SORCS1: variants seen among roughly 807,000 people sequenced by gnomAD.
SORCS1 encodes VPS10 domain-containing receptor SorCS1.
In SORCS1, 60 loss-of-function variants were observed where a neutral mutation model predicts 146.1. The observed-to-expected ratio is 0.41, with a 90% CI of 0.33 to 0.51. The LOEUF is 0.51. Ranked by LOEUF, SORCS1 falls within the 20% of genes least tolerant of loss-of-function variation. SORCS1 has a pLI of 0.21. For synonymous variants in SORCS1, 637 were observed against 584.0 expected (o/e 1.09, Z -1.31); for missense variants, 1,352 against 1,487.6 (o/e 0.91, Z 1.50).
At chr10:107,163,947 C>A in intron 1 of SORCS1, 22 bp downstream of exon 1, 1 of 1,600,860 alleles carries the variant, frequency 6.2e-7, no homozygotes, top group South Asian at 1.1e-5. Flanking sequence ...CACCCCTTTA[C>A]CCTCAGTCCC....
chr10:106,954,615 A>G (rs1954847322), intron 2 of SORCS1, among the ~76,000 whole-genome samples: 1 of 152,110 alleles, frequency 6.6e-6, no homozygotes, highest in Non-Finnish European at 1.5e-5. Context: ...TACTATCACA[A>G]TAATTTTTCA....
intron 22 of SORCS1, among the ~76,000 whole-genome samples, chr10:106,610,782 T>A (rs1418694410): frequency 6.6e-6 from 1 of 152,178 alleles, no homozygotes; most frequent in African/African-American, 2.4e-5. Context: ...TGCTCACTCA[T>A]GAAAGTAGAA....
At chr10:106,710,431 G>GA (rs1854889824) in intron 6 of SORCS1, among the ~76,000 whole-genome samples, 1 of 25,080 alleles carries the variant, frequency 4.0e-5, no homozygotes. Flanking sequence ...CTGGGTGACA[G>GA]GAAAAAAAAA....
intron 1 of SORCS1, among the ~76,000 whole-genome samples, chr10:106,985,649 G>A (rs2139402382): frequency 6.6e-6 from 1 of 150,550 alleles, no homozygotes; most frequent in African/African-American, 2.4e-5. Context: ...CGATTCTCCT[G>A]CCTCAGCTTC....
chr10:106,838,611 C>T (rs1948890539), intron 2 of SORCS1, among the ~76,000 whole-genome samples: 1 of 152,176 alleles, frequency 6.6e-6, no homozygotes, highest in Non-Finnish European at 1.5e-5. Flanking sequence ...TCCCCTAACC[C>T]ATACTAACCA....
chr10:106,594,536 G>A (rs772615931), intron 24 of SORCS1, among the ~76,000 whole-genome samples: 1 of 152,134 alleles, frequency 6.6e-6, no homozygotes, highest in Non-Finnish European at 1.5e-5. Flanking sequence ...GACACAGATG[G>A]AGGAGAAGTA....
At chr10:106,639,371 A>T (rs958380853) in intron 18 of SORCS1, among the ~76,000 whole-genome samples, 2 of 152,194 alleles carry the variant, frequency 1.3e-5, no homozygotes, top group Admixed American at 1.3e-4. Flanking sequence ...GCCGAACTGG[A>T]ACTGTCAGTA....
chr10:106,880,951 G>A (rs1950781146), intron 2 of SORCS1, among the ~76,000 whole-genome samples: 1 of 151,890 alleles, frequency 6.6e-6, no homozygotes, highest in South Asian at 2.1e-4. Flanking sequence ...TTAGCTGGGT[G>A]TGGTGGCAGG....
Position 106,660,982 on chromosome 10 carries a change from C to T in SORCS1, c.2303+6707G>A, listed in dbSNP as rs570816993. On this transcript the variant is annotated intron_variant, in intron 17 of 25. Coordinates refer to ENST00000263054, the MANE Select transcript of SORCS1 (RefSeq NM_052918.5). ...CTTGGTTTCTTAGAATAAACCAACC[C>T]ACTGCCCACTTTATTTTATATTTAC... Among the ~76,000 whole-genome samples the T allele has an allele frequency of 1.1e-4, 17 of 152,292 alleles. 1 individual carries two copies. The South Asian group carries it at 3.5e-3, about 32-fold the overall frequency.
chr10:107,133,363 T>A (rs375715629), intron 1 of SORCS1, among the ~76,000 whole-genome samples: 1 of 152,030 alleles, frequency 6.6e-6, no homozygotes, highest in East Asian at 1.9e-4. Flanking sequence ...TCAAGACAAC[T>A]GCATTCCTTC....
At chr10:106,813,833 T>C (rs890866517) in intron 3 of SORCS1, among the ~76,000 whole-genome samples, 2 of 152,214 alleles carry the variant, frequency 1.3e-5, no homozygotes, top group Admixed American at 6.5e-5. Flanking sequence ...GTGCCTGTCA[T>C]CCCTACTTAC....
intron 1 of SORCS1, among the ~76,000 whole-genome samples, chr10:106,966,920 T>G (rs900775700): frequency 6.6e-6 from 1 of 152,108 alleles, no homozygotes; most frequent in Non-Finnish European, 1.5e-5. Context: ...AAATAAAAAA[T>G]AAGCTTATAA....
intron 9 of SORCS1, among the ~76,000 whole-genome samples, chr10:106,690,577 G>T (rs1279638171): frequency 6.6e-6 from 1 of 152,192 alleles, no homozygotes; most frequent in Non-Finnish European, 1.5e-5. Context: ...TGAGCAAAGA[G>T]CTGTGCTTTG....
intron 6 of SORCS1, among the ~76,000 whole-genome samples, chr10:106,719,708 G>A (rs1347397693): frequency 1.3e-5 from 2 of 152,136 alleles, no homozygotes; most frequent in African/African-American, 2.4e-5. Flanking sequence ...ACTGCGCCCG[G>A]CCTCAATGAA....
chr10:106,801,680 C>T (rs1946895219), intron 3 of SORCS1, among the ~76,000 whole-genome samples: 4 of 152,130 alleles, frequency 2.6e-5, no homozygotes, highest in South Asian at 2.1e-4. Flanking sequence ...CAGGCGCCCG[C>T]CACCACGCCC....
rs192690225 is a variant in SORCS1 at position 106,794,534 on chromosome 10, G to A, written c.727-17842C>T. Among the ~76,000 whole-genome samples, 28 of 130,996 alleles carry A rather than the reference G, an allele frequency of 2.1e-4. No homozygotes were observed. In the East Asian group the frequency reaches 5.0e-3, roughly 23 times the overall value. 85.9% of individuals were successfully genotyped at this position (130,996 alleles called of 152,430 possible). A position where few individuals can be genotyped will look rare whatever the true frequency, so the allele number is the denominator to read the frequency against. ...TTTTTTTTTTTTGAGACAGAGTCTCGCACTGTCGCCCAGGCTGGAGTGCAG... is the reference window on the plus strand; with the variant it reads ...TTTTTTTTTTTTGAGACAGAGTCTCACACTGTCGCCCAGGCTGGAGTGCAG... On this transcript the variant is annotated intron_variant, in intron 3 of 25. Coordinates refer to ENST00000263054, the MANE Select transcript of SORCS1 (RefSeq NM_052918.5).
chr10:106,944,881 T>TTTTTTTTTTTTTTTG lies in SORCS1; in HGVS notation c.626+11631_626+11632insCAAAAAAAAAAAAAA, dbSNP rs1954246439. Among the ~76,000 whole-genome samples the TTTTTTTTTTTTTTTG allele has an allele frequency of 2.5e-5, 2 of 78,658 alleles. 1 individual carries two copies. The highest frequency in any genetic ancestry group is 4.5e-5 in the Non-Finnish European group (2 of 44,788). 51.6% of individuals were successfully genotyped at this position (78,658 alleles called of 152,430 possible). ...GAAGCAAGAAAGAGCCTTCTTTTTT[T>TTTTTTTTTTTTTTTG]TTTTTTTTTTTTTTTTTTTTTGGAG... On this transcript the variant is annotated intron_variant, in intron 2 of 25. Transcript: ENST00000263054.
At chr10:106,634,313 T>C (rs1395170043) in intron 18 of SORCS1, among the ~76,000 whole-genome samples, 1 of 152,244 alleles carries the variant, frequency 6.6e-6, no homozygotes, top group East Asian at 1.9e-4. Flanking sequence ...TTTAGTTCCA[T>C]ATAATTTGAA....
At chr10:106,606,788 C>A (rs940180335) in intron 23 of SORCS1, among the ~76,000 whole-genome samples, 1 of 152,156 alleles carries the variant, frequency 6.6e-6, no homozygotes. Flanking sequence ...GTTGTTCCCA[C>A]GATAGTGAGT....
Sources: gnomAD v4.1 joint callset for allele counts (sites outside exome capture counted in the v4.1 genomes callset) on GRCh38, gnomAD v4.1.1 for gene constraint, MANE v1.5 for transcripts, NCBI Gene and HGNC (gene_info 2026-07-23, HGNC 2026-07-21) for gene names.